SYNE3: variants seen among roughly 807,000 people sequenced by gnomAD.
The protein encoded by SYNE3 is nesprin-3.
In SYNE3, 100 loss-of-function variants were observed where a neutral mutation model predicts 111.2. That is an observed-to-expected ratio of 0.90 (90% CI 0.77 to 1.06). The LOEUF (loss-of-function observed/expected upper bound fraction) is 1.06, where lower values mean the gene tolerates loss of function less well. Ranked by LOEUF, SYNE3 falls within the 50% of genes least tolerant of loss-of-function variation. The pLI, the probability that SYNE3 is intolerant of heterozygous loss-of-function variation, is 0.00. For synonymous variants in SYNE3, 547 were observed against 533.9 expected, an observed-to-expected ratio of 1.02 and a Z score of -0.34; for missense variants, 1,160 against 1,240.3, an observed-to-expected ratio of 0.94 and a Z score of 0.97.
rs1903504564 is a variant in SYNE3 at position 95,414,183 on chromosome 14, C to T, written c.*3643G>A. On this transcript the variant is annotated 3_prime_UTR_variant, in exon 18 of 18. Transcript: ENST00000682763. ...CCTGGTAGAACCAGCCTGAAGCCCC[C>T]CTCCAGCCTGGGCTTTGGGGTCCTC... The T allele has an allele frequency of 6.6e-6, 1 of 152,318 alleles. No homozygotes were observed. The highest frequency in any genetic ancestry group is 1.9e-4 in the East Asian group (1 of 5,176). The allele number at this position is 152,318 out of a possible 1,614,324, so 9.4% of individuals were successfully genotyped here.
intron 4 of SYNE3, among the ~76,000 whole-genome samples, chr14:95,464,423 T>C (rs747171280): frequency 9.2e-5 from 14 of 152,126 alleles, no homozygotes; most frequent in Non-Finnish European, 1.8e-4. Flanking sequence ...CTCAAGTGGC[T>C]GCCCGCCCCC....
At chr14:95,432,789 G>C (rs1259434146) in intron 16 of SYNE3, among the ~76,000 whole-genome samples, 1 of 152,046 alleles carries the variant, frequency 6.6e-6, no homozygotes, top group African/African-American at 2.4e-5. Context: ...TGCCACTCCA[G>C]TGCTTCCCCA....
intron 2 of SYNE3, among the ~76,000 whole-genome samples, chr14:95,473,583 T>C (rs2139503259): frequency 6.6e-6 from 1 of 152,204 alleles, no homozygotes; most frequent in Non-Finnish European, 1.5e-5. Context: ...GTGGAAGGTC[T>C]ACGAGGTCTT....
Position 95,409,556 on chromosome 14 carries a change from A to T in SYNE3, c.*8270T>A. ...AGGTGGTTGGGTTGGGGATGATGTTACCATGACAACCGGAGAGCAGGTGCT... is the reference window on the plus strand; with the variant it reads ...AGGTGGTTGGGTTGGGGATGATGTTTCCATGACAACCGGAGAGCAGGTGCT... On this transcript the variant is annotated 3_prime_UTR_variant, in exon 18 of 18. Coordinates refer to ENST00000682763, the MANE Select transcript of SYNE3 (RefSeq NM_152592.6). 2.7e-6 allele frequency: 1 copy of T among 376,978 alleles called. No individual in the cohort carries two copies. The highest frequency in any genetic ancestry group is 5.2e-6 in the Non-Finnish European group (1 of 192,098). The allele number at this position is 376,978 out of a possible 1,614,324, so 23.4% of individuals were successfully genotyped here.
intron 2 of SYNE3, among the ~76,000 whole-genome samples, chr14:95,473,982 A>C (rs995552253): frequency 5.1e-4 from 76 of 148,054 alleles, no homozygotes; most frequent in African/African-American, 1.8e-3. Flanking sequence ...GGCTGGAGCT[A>C]AGGCCAGTGT....
At chr14:95,482,877 G>A (rs750355080) in intron 1 of SYNE3, among the ~76,000 whole-genome samples, 34 of 152,054 alleles carry the variant, frequency 2.2e-4, no homozygotes, top group Non-Finnish European at 3.5e-4. Flanking sequence ...TACTAACAAC[G>A]CTGCCCAAAG....
intron 17 of SYNE3, among the ~76,000 whole-genome samples, chr14:95,419,862 A>AGATGAT (rs1407563431): frequency 0.025 from 46 of 1,834 alleles, 1 homozygote; most frequent in Non-Finnish European, 0.012. Flanking sequence ...ATGGTGATGG[A>AGATGAT]GGTGATGGTG....
At chr14:95,448,445 G>T (rs1204247287) in intron 8 of SYNE3, among the ~76,000 whole-genome samples, 1 of 151,854 alleles carries the variant, frequency 6.6e-6, no homozygotes, top group Non-Finnish European at 1.5e-5. Flanking sequence ...CTAGCACTTT[G>T]GGAGGCCGGG....
chr14:95,461,190 G>A (rs115996104), intron 4 of SYNE3, among the ~76,000 whole-genome samples: 5,038 of 152,264 alleles, frequency 0.033, 250 homozygotes, highest in African/African-American at 0.11. Flanking sequence ...AGGGTGGTGC[G>A]GATTTATGCC....
intron 1 of SYNE3, among the ~76,000 whole-genome samples, chr14:95,498,963 C>G (rs1035873589): frequency 5.9e-5 from 9 of 152,182 alleles, no homozygotes; most frequent in African/African-American, 2.2e-4. Flanking sequence ...AACACAGAAC[C>G]ATTCGAATCT....
At chr14:95,433,840 A>G (rs995918846) in intron 15 of SYNE3, among the ~76,000 whole-genome samples, 1 of 152,182 alleles carries the variant, frequency 6.6e-6, no homozygotes, top group African/African-American at 2.4e-5. Flanking sequence ...GGAAACTTTT[A>G]TTCTCAGGAC....
intron 2 of SYNE3, among the ~76,000 whole-genome samples, chr14:95,475,361 G>C (rs1327732614): frequency 6.7e-6 from 1 of 149,050 alleles, no homozygotes; most frequent in East Asian, 1.9e-4. Context: ...GACCCACCAG[G>C]CTGCACGGGT....
At chr14:95,492,623 TG>T (rs1463330712) in intron 1 of SYNE3, among the ~76,000 whole-genome samples, 1 of 152,124 alleles carries the variant, frequency 6.6e-6, no homozygotes, top group Admixed American at 6.6e-5. Context: ...GTGGGAGGGT[TG>T]GGAGTTGACT....
chr14:95,503,637 T>TTTTTG (rs59153221), intron 1 of SYNE3, among the ~76,000 whole-genome samples: 4 of 138,566 alleles, frequency 2.9e-5, no homozygotes, highest in Non-Finnish European at 4.6e-5. Flanking sequence ...TTTTTTTTTT[T>TTTTTG]GAGACAGGTC....
Position 95,449,002 on chromosome 14 carries a change from A to G in SYNE3, c.1449+929T>C, listed in dbSNP as rs189225179. Reference sequence around the variant, plus strand: ...TAATCAGAATGATTATACATCTCACACACGTTTGAGTCTTTTCCCACTCTT... The same window carrying G: ...TAATCAGAATGATTATACATCTCACGCACGTTTGAGTCTTTTCCCACTCTT... On this transcript the variant is annotated intron_variant, in intron 8 of 17. Transcript: ENST00000682763. Among the ~76,000 whole-genome samples the G allele has an allele frequency of 5.7e-4, 87 of 152,260 alleles. 1 individual carries two copies. The highest frequency in any genetic ancestry group is 2.0e-3 in the African/African-American group (83 of 41,546).
At chr14:95,482,644 A>G (rs1287897150) in intron 1 of SYNE3, among the ~76,000 whole-genome samples, 1 of 152,066 alleles carries the variant, frequency 6.6e-6, no homozygotes, top group Non-Finnish European at 1.5e-5. Context: ...TATTTGTCCC[A>G]TTTTACAAAG....
chr14:95,443,464 C>T (rs546930954), intron 10 of SYNE3, among the ~76,000 whole-genome samples, 175 bp from the exon 11 acceptor site: 2 of 152,318 alleles, frequency 1.3e-5, no homozygotes, highest in South Asian at 4.1e-4. Context: ...GATGGGCCCA[C>T]TCTCAGGGCT....
Position 95,467,941 on chromosome 14 carries a change from C to T in SYNE3, c.171G>A (p.Gly57=). The T allele has an allele frequency of 6.2e-7, 1 of 1,612,758 alleles. No individual in the cohort carries two copies. The highest frequency in any genetic ancestry group is 2.2e-5 in the East Asian group (1 of 44,836). The part of the protein sequence containing the change: ...TEKICQLEPE[G]RVRVDLVLRM... ...GTAGCACGAGGTCCACCCTCACACG[C>T]CCCTCGGGCTCCAGCTGGCATATTT... is the stretch of plus-strand genomic sequence containing the variant. The change falls in exon 3 of 18, where the codon GGG becomes GGA. Residue 57 remains glycine (G), a synonymous_variant. Coordinates refer to ENST00000682763, the MANE Select transcript of SYNE3 (RefSeq NM_152592.6).
intron 1 of SYNE3, among the ~76,000 whole-genome samples, chr14:95,491,286 C>T (rs552872637): frequency 9.9e-5 from 15 of 152,254 alleles, no homozygotes; most frequent in African/African-American, 3.4e-4. Flanking sequence ...GATGAGGAGA[C>T]TTAGTGAAGG....
Sources: gnomAD v4.1 joint callset for allele counts (sites outside exome capture counted in the v4.1 genomes callset) on GRCh38, gnomAD v4.1.1 for gene constraint, MANE v1.5 for transcripts, NCBI Gene and HGNC (gene_info 2026-07-23, HGNC 2026-07-21) for gene names.